The following WLS variants were observed in gnomAD, a reference collection of about 807,000 sequenced individuals.
WLS encodes protein wntless homolog.
Under a neutral mutation model 62.8 loss-of-function variants are expected in WLS, and 23 were observed. The ratio of observed to expected loss-of-function variants is 0.37; its 90% CI spans 0.26 to 0.52. WLS has a LOEUF of 0.52. Among genes scored for constraint, WLS ranks in the 20% least tolerant of loss-of-function variants. The pLI, the probability that WLS is intolerant of heterozygous loss-of-function variation, is 0.92. For synonymous variants in WLS, 246 were observed against 244.1 expected (o/e 1.01, Z -0.07); for missense variants, 615 against 697.3 (o/e 0.88, Z 1.33).
chr1:68,158,910 C>A (rs1239508450), intron 3 of WLS, among the ~76,000 whole-genome samples: 1 of 152,164 alleles, frequency 6.6e-6, no homozygotes, highest in East Asian at 1.9e-4. Flanking sequence ...CATGTTTTTA[C>A]TATTTTGCAG....
intron 3 of WLS, among the ~76,000 whole-genome samples, chr1:68,158,471 C>T (rs896546154): frequency 6.6e-6 from 1 of 152,104 alleles, no homozygotes; most frequent in Non-Finnish European, 1.5e-5. Flanking sequence ...GTCATCCTGC[C>T]TACGTCATTG....
At chr1:68,121,182 C>G (rs1646360149), downstream of WLS, 1 of 152,146 alleles carries the variant, frequency 6.6e-6, no homozygotes, top group African/African-American at 2.4e-5. Flanking sequence ...CCAGCTGGAG[C>G]AGTCCTGCCA....
At position 68,193,978 on chromosome 1, in the gene WLS, G is replaced by T; in HGVS notation, c.356C>A (p.Ala119Asp). ...ACTGATTTGGTTGTTTAGCTTGAAG[G>T]CAATGTCCAGCTGCAGGATAAACAG... is the stretch of plus-strand genomic sequence containing the variant. ...FMLFILQLDI[A>D]FKLNNQIREN... is the part of the protein sequence containing the mutation. The change falls in exon 2 of 12, where the codon GCC (alanine) becomes GAC (aspartate). Residue 119 changes from alanine (A) to aspartate (D), a missense_variant. Transcript: ENST00000262348. 3 of 1,614,068 alleles carry T rather than the reference G, an allele frequency of 1.9e-6. No individual in the cohort carries two copies. The highest frequency in any genetic ancestry group is 2.5e-6 in the Non-Finnish European group (3 of 1,179,950).
intron 1 of WLS, chr1:68,228,301 A>G (rs1222038964): frequency 4.7e-6 from 2 of 429,278 alleles, no homozygotes; most frequent in Non-Finnish European, 9.2e-6. Context: ...TCTGATCTTC[A>G]TACTCTTAGC....
In WLS at chr1:68,125,716, C is replaced by A; in HGVS notation, c.*510G>T. 1 of 986,124 alleles carries A rather than the reference C, an allele frequency of 1.0e-6. No individual in the cohort carries two copies. Among genetic ancestry groups the A allele is most frequent in the Non-Finnish European group, 1.2e-6 (1 of 830,456 alleles). The allele number at this position is 986,124 out of a possible 1,614,324, so 61.1% of individuals were successfully genotyped here. A position where few individuals can be genotyped will look rare whatever the true frequency, so the allele number is the denominator to read the frequency against. The stretch of plus-strand genomic sequence containing the variant: ...TATCTATTGACAACTTAAATATTAA[C>A]TCAGTGGGCTACCTGGTGATATAAA... On this transcript the variant is annotated 3_prime_UTR_variant, in exon 12 of 12. Coordinates refer to ENST00000262348, the MANE Select transcript of WLS (RefSeq NM_024911.7).
Position 68,126,188 on chromosome 1 carries a change from G to A in WLS, c.*38C>T. 6.2e-7 allele frequency: 1 copy of A among 1,612,110 alleles called. No homozygotes were observed. The highest frequency in any genetic ancestry group is 2.2e-5 in the East Asian group (1 of 44,726). ...TCCCCACTCTAGTTAGAGGGGCTGG[G>A]GTATGGAGAGACCGTCCCAGCCGGG... On this transcript the variant is annotated 3_prime_UTR_variant, in exon 12 of 12. Transcript: ENST00000262348.
chr1:68,210,608 G>A (rs552047444), intron 1 of WLS, among the ~76,000 whole-genome samples: 3 of 152,152 alleles, frequency 2.0e-5, no homozygotes, highest in African/African-American at 7.2e-5. Flanking sequence ...ACCCAGTGTG[G>A]GTGAGACTGG....
intron 11 of WLS, among the ~76,000 whole-genome samples, chr1:68,120,058 C>T (rs1432097113): frequency 6.6e-6 from 1 of 152,228 alleles, no homozygotes; most frequent in Non-Finnish European, 1.5e-5. Flanking sequence ...TAAACCACCC[C>T]TGTGATGCCA....
downstream of WLS, among the ~76,000 whole-genome samples, chr1:68,124,083 T>G (rs564465283): frequency 6.6e-6 from 1 of 152,294 alleles, no homozygotes; most frequent in East Asian, 1.9e-4. Context: ...GGCTTGAAAT[T>G]TGACTCTGAT....
At chr1:68,174,329 A>G (rs1647198662) in intron 2 of WLS, among the ~76,000 whole-genome samples, 1 of 152,170 alleles carries the variant, frequency 6.6e-6, no homozygotes, top group Non-Finnish European at 1.5e-5. Flanking sequence ...TTTGTTTCAT[A>G]CGGCTTATGT....
chr1:68,186,720 AAAATCAGAGAG>A (rs1463390156), intron 2 of WLS: 1 of 454,000 alleles, frequency 2.2e-6, no homozygotes, highest in African/African-American at 2.0e-5. Context: ...TCTTAATACC[AAAATCAGAGAG>A]AAATCTAGAC....
chr1:68,214,724 C>G (rs1232647930), intron 1 of WLS, among the ~76,000 whole-genome samples: 1 of 152,150 alleles, frequency 6.6e-6, no homozygotes, highest in Non-Finnish European at 1.5e-5. Flanking sequence ...ACAGGAAAGC[C>G]TGCTCAAAGA....
At chr1:68,189,043 A>G (rs1181589136) in intron 2 of WLS, among the ~76,000 whole-genome samples, 4 of 152,224 alleles carry the variant, frequency 2.6e-5, no homozygotes, top group African/African-American at 9.7e-5. Flanking sequence ...AATAATTCTT[A>G]AGTTATAAAT....
chr1:68,149,504 T>C (rs1289027220), intron 6 of WLS, among the ~76,000 whole-genome samples: 1 of 152,194 alleles, frequency 6.6e-6, no homozygotes, highest in Non-Finnish European at 1.5e-5. Context: ...TGAGCCATAA[T>C]GGAATTTAAA....
chr1:68,186,291 G>A (rs1255225180), intron 2 of WLS, among the ~76,000 whole-genome samples: 1 of 152,010 alleles, frequency 6.6e-6, no homozygotes, highest in African/African-American at 2.4e-5. Flanking sequence ...AAAATTTAAA[G>A]GGAATAAACA....
At chr1:68,229,427 A>G (rs542152197) in intron 1 of WLS, among the ~76,000 whole-genome samples, 13 of 151,072 alleles carry the variant, frequency 8.6e-5, no homozygotes, top group Non-Finnish European at 1.5e-4. Context: ...TATTAGAGAG[A>G]CACTTCACAC....
chr1:68,183,456 T>C (rs1312018299), intron 2 of WLS: 2 of 487,758 alleles, frequency 4.1e-6, no homozygotes, highest in Non-Finnish European at 4.2e-6. Flanking sequence ...TATAAAATCC[T>C]CTGCCCCATT....
At chr1:68,185,237 T>C (rs543791554) in intron 2 of WLS, among the ~76,000 whole-genome samples, 2 of 152,342 alleles carry the variant, frequency 1.3e-5, no homozygotes, top group Admixed American at 1.3e-4. Context: ...TGGCCTGTTA[T>C]AAATACGCGT....
intron 10 of WLS, among the ~76,000 whole-genome samples, chr1:68,143,410 T>C (rs1254561343): frequency 6.6e-6 from 1 of 152,230 alleles, no homozygotes; most frequent in African/African-American, 2.4e-5. Context: ...TACTCATGCT[T>C]ACAATGTGCC....
Sources: allele counts gnomAD v4.1 joint callset (sites outside exome capture counted in the v4.1 genomes callset), GRCh38; gene constraint gnomAD v4.1.1; transcripts MANE v1.5; gene names NCBI Gene and HGNC (gene_info 2026-07-23, HGNC 2026-07-21).